Variants in NHSL2 observed in about 807,000 individuals in gnomAD.
NHSL2 encodes the protein NHS-like protein 2.
In NHSL2, 27 loss-of-function variants were observed where a neutral mutation model predicts 53.4. The ratio of observed to expected loss-of-function variants is 0.51; its 90% CI spans 0.37 to 0.70. The LOEUF (loss-of-function observed/expected upper bound fraction) is 0.70. NHSL2 is among the 30% of genes least tolerant of loss of function. NHSL2 has a pLI of 0.00. For missense variants in NHSL2, 892 were observed against 980.1 expected (o/e 0.91, Z 1.20); for synonymous variants, 408 against 404.1 (o/e 1.01, Z -0.12).
At chrX:72,007,651 T>C (rs753529596) in intron 1 of NHSL2, among the ~76,000 whole-genome samples, 2 of 113,376 alleles carry the variant, frequency 1.8e-5, no homozygotes, top group Middle Eastern at 9.3e-3. Context: ...ACTGCAACTC[T>C]GTGAGGTAGC....
intron 1 of NHSL2, among the ~76,000 whole-genome samples, chrX:71,934,995 G>A (rs1440761741): frequency 9.0e-6 from 1 of 111,017 alleles, no homozygotes; most frequent in Non-Finnish European, 1.9e-5. Context: ...AATATAACTG[G>A]CAGGACCGTT....
In NHSL2 at chrX:71,947,200, C is replaced by T. The variant is rs963431258; in HGVS notation, c.280+35833C>T. On this transcript the variant is annotated intron_variant, in intron 1 of 7. Coordinates refer to ENST00000633930, the MANE Select transcript of NHSL2 (RefSeq NM_001013627.3). ...TCTACCCTCCCTGCCTCATGCTCAA[C>T]CTGTTCACACTCCAGGAGCCTGAAG... 5.4e-5 allele frequency among the ~76,000 whole-genome samples: 6 copies of T among 111,477 alleles called. No individual in the cohort carries two copies. The Admixed American group carries it at 5.7e-4, about 11-fold the overall frequency.
intron 1 of NHSL2, among the ~76,000 whole-genome samples, chrX:72,046,247 A>G (rs949287384): frequency 8.9e-6 from 1 of 111,958 alleles, no homozygotes; most frequent in Non-Finnish European, 1.9e-5. Context: ...AGACAACACC[A>G]GGCAACCTGT....
intron 1 of NHSL2, among the ~76,000 whole-genome samples, chrX:72,079,022 G>C (rs756104467): frequency 8.9e-6 from 1 of 112,256 alleles, no homozygotes; most frequent in South Asian, 3.7e-4. Context: ...AAGAGAGTAA[G>C]TCTCACGCTG....
At chrX:71,938,906 T>G (rs2041752656) in intron 1 of NHSL2, among the ~76,000 whole-genome samples, 1 of 112,875 alleles carries the variant, frequency 8.9e-6, no homozygotes, top group African/African-American at 3.2e-5. Context: ...GGCTTTGATA[T>G]GGTTTATACC....
chrX:72,139,101 C>T lies in NHSL2; in HGVS notation c.1553C>T (p.Ala518Val). The T allele has an allele frequency of 8.5e-7, 1 of 1,169,717 alleles. No homozygotes were observed. The highest frequency in any genetic ancestry group is 3.2e-5 in the East Asian group (1 of 30,937). ...TDVDYDEEQK[A>V]NEACALPFAS... ...GTGGACTATGATGAGGAGCAGAAGG[C>T]CAATGAGGCCTGTGCCCTGCCTTTT... Residue 518 changes from alanine (A) to valine (V), a missense_variant, in exon 6 of 8, where the codon GCC (alanine) becomes GTC (valine). Transcript: ENST00000633930.
rs2042378733 is a variant in NHSL2 at position 72,138,472 on chromosome X, C to T, written c.924C>T (p.Ala308=). ...GHSNSPAGSV[A]HSTTSDIRPS... ...GCAACAGCCCAGCAGGCAGTGTGGC[C>T]CACTCTACCACCTCCGACATCAGGC... is the stretch of plus-strand genomic sequence containing the variant. The change falls in exon 6 of 8, where the codon GCC becomes GCT. Residue 308 remains alanine, a synonymous_variant. Transcript: ENST00000633930. The T allele has an allele frequency of 1.7e-6, 2 of 1,154,654 alleles. No individual in the cohort carries two copies. Among genetic ancestry groups the T allele is most frequent in the African/African-American group, 1.8e-5 (1 of 55,537 alleles).
chrX:72,126,122 C>G (rs1266550535), intron 1 of NHSL2, among the ~76,000 whole-genome samples: 1 of 112,023 alleles, frequency 8.9e-6, no homozygotes, highest in Non-Finnish European at 1.9e-5. Context: ...GCGAAAGTCC[C>G]TGGCACATGG....
chrX:72,090,123 G>A (rs956700422), intron 1 of NHSL2, among the ~76,000 whole-genome samples: 1 of 111,384 alleles, frequency 9.0e-6, no homozygotes, highest in Non-Finnish European at 1.9e-5. Context: ...GAGTGCAGTG[G>A]TGCAATCATG....
At chrX:72,067,335 C>T (rs185459144) in intron 1 of NHSL2, among the ~76,000 whole-genome samples, 104 of 111,564 alleles carry the variant, frequency 9.3e-4, no homozygotes, top group African/African-American at 3.3e-3. Flanking sequence ...TTCAAGCTTC[C>T]TCATGTTCCT....
chrX:72,078,718 C>G (rs981521180), intron 1 of NHSL2, among the ~76,000 whole-genome samples: 9 of 112,299 alleles, frequency 8.0e-5, no homozygotes, highest in African/African-American at 2.9e-4. Context: ...TTGAATGCAT[C>G]TAACCATTCC....
Position 72,024,948 on chromosome X carries a change from T to C in NHSL2, c.281-107131T>C, listed in dbSNP as rs544885885. Among the ~76,000 whole-genome samples the C allele has an allele frequency of 1.2e-4, 13 of 112,552 alleles. No individual in the cohort carries two copies. The South Asian group carries it at 1.8e-3, about 16-fold the overall frequency. ...TTTTGAAATATGCAATACATTGTTA[T>C]TAACTATAGTTGCCTATGTTGTGCA... On this transcript the variant is annotated intron_variant, in intron 1 of 7. Transcript: ENST00000633930.
At chrX:72,104,357 T>C (rs1319707770) in intron 1 of NHSL2, among the ~76,000 whole-genome samples, 7 of 112,687 alleles carry the variant, frequency 6.2e-5, no homozygotes, top group East Asian at 5.5e-4. Context: ...TGTAATCCTA[T>C]GTATTTTATT....
intron 1 of NHSL2, among the ~76,000 whole-genome samples, chrX:71,941,384 T>C (rs768846853): frequency 6.3e-5 from 7 of 111,363 alleles, no homozygotes; most frequent in Non-Finnish European, 1.1e-4. Context: ...CTATGTCTGG[T>C]CCAGTCAGCG....
intron 1 of NHSL2, among the ~76,000 whole-genome samples, chrX:72,013,594 G>A (rs1409531706): frequency 9.3e-6 from 1 of 107,683 alleles, no homozygotes; most frequent in Non-Finnish European, 1.9e-5. Context: ...GTTGAATTAA[G>A]GTGGTGAGAG....
chrX:72,117,897 T>C (rs2042152857), intron 1 of NHSL2, among the ~76,000 whole-genome samples: 1 of 109,528 alleles, frequency 9.1e-6, no homozygotes, highest in South Asian at 3.9e-4. Flanking sequence ...CTGCTTCCAC[T>C]TGTTGGGTAT....
chrX:71,963,974 C>CATATATATAT lies in NHSL2; in HGVS notation c.280+52616_280+52625dup, dbSNP rs377152946. ...CTATATATATACACATATATATATA[C>CATATATATAT]ATATATATATATATATATGTATATA... On this transcript the variant is annotated intron_variant, in intron 1 of 7. Transcript: ENST00000633930. Among the ~76,000 whole-genome samples the CATATATATAT allele has an allele frequency of 4.2e-4, 20 of 47,972 alleles. 4 individuals are homozygous for CATATATATAT. In the South Asian group the frequency reaches 4.2e-3, roughly 10 times the overall value. The allele number at this position is 47,972 out of a possible 115,157, so 41.7% of individuals were successfully genotyped here. A position where few individuals can be genotyped will look rare whatever the true frequency, so the allele number is the denominator to read the frequency against.
chrX:71,965,463 A>T (rs895430946), intron 1 of NHSL2, among the ~76,000 whole-genome samples: 8 of 112,272 alleles, frequency 7.1e-5, no homozygotes, highest in Non-Finnish European at 1.1e-4. Context: ...TGTTCCATTG[A>T]TCTACTTGTC....
At chrX:72,111,033 C>T (rs1342232695) in intron 1 of NHSL2, among the ~76,000 whole-genome samples, 5 of 112,397 alleles carry the variant, frequency 4.4e-5, no homozygotes, top group African/African-American at 6.5e-5. Context: ...TTATGGCAAC[C>T]GGAATTAGGA....
Sources: allele counts gnomAD v4.1 joint callset (sites outside exome capture counted in the v4.1 genomes callset), GRCh38; gene constraint gnomAD v4.1.1; transcripts MANE v1.5; gene names NCBI Gene and HGNC (gene_info 2026-07-23, HGNC 2026-07-21).